Variants in PGM5 observed in about 807,000 individuals in gnomAD.
PGM5 encodes the protein phosphoglucomutase 5.
A neutral mutation model predicts 59.2 loss-of-function variants in PGM5; 23 were observed. The ratio of observed to expected loss-of-function variants is 0.39; its 90% confidence interval spans 0.28 to 0.55. The LOEUF (loss-of-function observed/expected upper bound fraction) is 0.55. Among genes scored for constraint, PGM5 ranks in the 20% least tolerant of loss-of-function variants. PGM5 has a pLI of 0.66. For missense variants in PGM5, 574 were observed against 748.3 expected (o/e 0.77, Z 2.72); for synonymous variants, 214 against 286.0 (o/e 0.75, Z 2.54).
At chr9:68,449,225 G>T (rs183191560) in intron 6 of PGM5, among the ~76,000 whole-genome samples, 54 of 152,194 alleles carry the variant, frequency 3.5e-4, no homozygotes, top group Non-Finnish European at 5.6e-4. Context: ...CACGTTGGGG[G>T]TTAAGATTTA....
At chr9:68,428,665 C>A (rs1554682837) in intron 6 of PGM5, 1 of 152,134 alleles carries the variant, frequency 6.6e-6, no homozygotes, top group Non-Finnish European at 1.5e-5. Flanking sequence ...TCCAGGAGTG[C>A]CTGTTGGAGA....
intron 3 of PGM5, among the ~76,000 whole-genome samples, chr9:68,385,181 ATAGAT>A (rs1822184244): frequency 6.6e-6 from 1 of 151,622 alleles, no homozygotes; most frequent in Admixed American, 6.6e-5. Flanking sequence ...TTTTTGTTTT[ATAGAT>A]TAATTTTAGA....
chr9:68,498,388 C>A (rs1824515955), intron 9 of PGM5: 1 of 152,074 alleles, frequency 6.6e-6, no homozygotes, highest in Non-Finnish European at 1.5e-5. Context: ...AGATTCCCTG[C>A]AATTTTCCTC....
chr9:68,398,259 T>C (rs1214627757), intron 6 of PGM5: 5 of 152,372 alleles, frequency 3.3e-5, no homozygotes, highest in South Asian at 2.1e-4. Flanking sequence ...GAAAGCCCTT[T>C]ATCCTGTAAG....
intron 7 of PGM5, among the ~76,000 whole-genome samples, chr9:68,474,997 T>A (rs1824081191): frequency 2.0e-5 from 3 of 149,576 alleles, no homozygotes; most frequent in African/African-American, 7.4e-5. Context: ...CATTGACAAC[T>A]TTGTTTACTT....
intron 7 of PGM5, among the ~76,000 whole-genome samples, chr9:68,478,990 G>A (rs1824148003): frequency 6.6e-6 from 1 of 152,090 alleles, no homozygotes; most frequent in South Asian, 2.1e-4. Flanking sequence ...GATGCATCTT[G>A]TTCTCTTATC....
At chr9:68,426,891 C>CTCCCCTAGA (rs1489478148) in intron 6 of PGM5, 3 of 152,180 alleles carry the variant, frequency 2.0e-5, no homozygotes, top group Admixed American at 6.5e-5. Context: ...ACTGCAAGGC[C>CTCCCCTAGA]CTTCAGGACA....
At chr9:68,443,684 T>C (rs939529826) in intron 6 of PGM5, among the ~76,000 whole-genome samples, 7 of 152,248 alleles carry the variant, frequency 4.6e-5, no homozygotes, top group African/African-American at 1.7e-4. Context: ...CAGCAGAAGA[T>C]AGACGGTCAT....
At chr9:68,441,755 A>G (rs1432073980) in intron 6 of PGM5, among the ~76,000 whole-genome samples, 2 of 152,190 alleles carry the variant, frequency 1.3e-5, no homozygotes, top group African/African-American at 4.8e-5. Context: ...AGCCAATGCA[A>G]TAAGGCAAGA....
At chr9:68,508,281 T>C (rs1824690180) in intron 10 of PGM5, among the ~76,000 whole-genome samples, 1 of 152,162 alleles carries the variant, frequency 6.6e-6, no homozygotes, top group African/African-American at 2.4e-5. Flanking sequence ...AACAGACCAC[T>C]GAAGAGCCAA....
intron 9 of PGM5, among the ~76,000 whole-genome samples, chr9:68,492,576 A>G (rs1587213870): frequency 6.6e-6 from 1 of 152,142 alleles, no homozygotes; most frequent in Non-Finnish European, 1.5e-5. Flanking sequence ...GCACAATGGT[A>G]CCCAGCCTAA....
At chr9:68,369,473 G>A (rs1554676994) in intron 1 of PGM5, among the ~76,000 whole-genome samples, 1 of 152,112 alleles carries the variant, frequency 6.6e-6, no homozygotes, top group Non-Finnish European at 1.5e-5. Flanking sequence ...TCTTGTTCTA[G>A]TGAGTCAGAC....
intron 6 of PGM5, among the ~76,000 whole-genome samples, chr9:68,430,804 A>C (rs1189007078): frequency 2.6e-5 from 4 of 152,238 alleles, no homozygotes; most frequent in Admixed American, 6.5e-5. Context: ...GAAAACTTTC[A>C]GTGATTGTAA....
At chr9:68,418,177 T>G (rs1165153091) in intron 6 of PGM5, among the ~76,000 whole-genome samples, 1 of 152,192 alleles carries the variant, frequency 6.6e-6, no homozygotes, top group Non-Finnish European at 1.5e-5. Context: ...TTTTGTTTGT[T>G]GAATTTGACT....
At chr9:68,365,021 T>C (rs1834652861) in intron 1 of PGM5, among the ~76,000 whole-genome samples, 2 of 152,270 alleles carry the variant, frequency 1.3e-5, no homozygotes, top group South Asian at 4.1e-4. Flanking sequence ...AAACATCTGT[T>C]CTCTTTGAGC....
chr9:68,376,843 C>G (rs1232751237), intron 1 of PGM5, among the ~76,000 whole-genome samples: 1 of 129,316 alleles, frequency 7.7e-6, no homozygotes, highest in African/African-American at 2.9e-5. Flanking sequence ...CTCTTTCTTT[C>G]TTTCTTTCTC....
chr9:68,402,022 G>A (rs1554680698), intron 6 of PGM5, among the ~76,000 whole-genome samples: 2 of 152,074 alleles, frequency 1.3e-5, no homozygotes, highest in African/African-American at 4.8e-5. Flanking sequence ...CAGCACTTTG[G>A]GAGGCTGAGG....
At chr9:68,395,996 C>T (rs1278893659) in intron 6 of PGM5, 1 of 151,018 alleles carries the variant, frequency 6.6e-6, no homozygotes, top group Non-Finnish European at 1.5e-5. Context: ...TTGTAGGGAA[C>T]AAAGCAAAAA....
chr9:68,521,578 G>A (rs1824900604), intron 10 of PGM5, among the ~76,000 whole-genome samples: 1 of 152,190 alleles, frequency 6.6e-6, no homozygotes, highest in African/African-American at 2.4e-5. Context: ...TGTATTCCAT[G>A]TGAAAGAAAC....
Sources: gnomAD v4.1 joint callset for allele counts (sites outside exome capture counted in the v4.1 genomes callset) on GRCh38, gnomAD v4.1.1 for gene constraint, MANE v1.5 for transcripts, NCBI Gene and HGNC (gene_info 2026-07-23, HGNC 2026-07-21) for gene names.